The following CHRM3 variants were observed in gnomAD, a reference collection of about 807,000 sequenced individuals.
CHRM3 encodes cholinergic receptor muscarinic 3.
Under a neutral mutation model 41.8 loss-of-function variants are expected in CHRM3, and 11 were observed. The observed-to-expected ratio is 0.26, with a 90% CI of 0.17 to 0.44. The LOEUF (loss-of-function observed/expected upper bound fraction) is 0.44. CHRM3 is among the 20% of genes least tolerant of loss of function. CHRM3 has a pLI of 1.00. For missense variants in CHRM3, 571 were observed against 745.4 expected, an observed-to-expected ratio of 0.77 and a Z score of 2.72; for synonymous variants, 297 against 301.4, an observed-to-expected ratio of 0.99 and a Z score of 0.15.
At chr1:239,403,757 C>T (rs1280994714) in intron 1 of CHRM3, among the ~76,000 whole-genome samples, 2 of 151,504 alleles carry the variant, frequency 1.3e-5, no homozygotes, top group African/African-American at 4.9e-5. Flanking sequence ...CATGTGTGGC[C>T]CAGGATCGTA....
intron 4 of CHRM3, among the ~76,000 whole-genome samples, chr1:239,676,161 C>T (rs575538805): frequency 3.9e-5 from 6 of 152,176 alleles, no homozygotes; most frequent in Non-Finnish European, 7.3e-5. Flanking sequence ...TTGCCCCAGA[C>T]GCTGCACCAG....
At position 239,866,405 on chromosome 1, in the gene CHRM3, C is replaced by CA. The variant is rs796650414; in HGVS notation, c.-20+39039dup. ...ACAGAGCAAGACCCTGTCTCAAAAACAAAAAAAAAAAAGCTTGCCCAAAAC... is the reference window on the plus strand; with the variant it reads ...ACAGAGCAAGACCCTGTCTCAAAAACAAAAAAAAAAAAAGCTTGCCCAAAAC... On this transcript the variant is annotated intron_variant, in intron 6 of 6. Coordinates refer to ENST00000676153, the MANE Select transcript of CHRM3 (RefSeq NM_001375978.1). Among the ~76,000 whole-genome samples the CA allele has an allele frequency of 5.8e-3, 827 of 142,670 alleles. 5 individuals carry two copies. Among genetic ancestry groups the CA allele is most frequent in the African/African-American group, 0.02 (744 of 37,814 alleles). The allele number at this position is 142,670 out of a possible 152,430, so 93.6% of individuals were successfully genotyped here.
At chr1:239,495,590 A>G (rs1332437616) in intron 2 of CHRM3, among the ~76,000 whole-genome samples, 1 of 152,106 alleles carries the variant, frequency 6.6e-6, no homozygotes, top group Non-Finnish European at 1.5e-5. Flanking sequence ...CAGGTAGTTC[A>G]CATTTGAGAG....
At chr1:239,743,041 C>A (rs930281804) in intron 5 of CHRM3, among the ~76,000 whole-genome samples, 4 of 151,970 alleles carry the variant, frequency 2.6e-5, no homozygotes, top group Admixed American at 2.0e-4. Context: ...AGCAGTGACT[C>A]GGAGCCCAAA....
chr1:239,415,295 C>G (rs1661409603), intron 1 of CHRM3, among the ~76,000 whole-genome samples: 1 of 152,114 alleles, frequency 6.6e-6, no homozygotes, highest in South Asian at 2.1e-4. Flanking sequence ...CAAAAATTAG[C>G]CAGGCATGGT....
chr1:239,584,108 CTTTTTT>C (rs769127124), intron 3 of CHRM3, among the ~76,000 whole-genome samples: 4 of 124,424 alleles, frequency 3.2e-5, no homozygotes, highest in South Asian at 2.6e-4. Flanking sequence ...TCTTCTTCTT[CTTTTTT>C]TTTTTTTTTT....
chr1:239,582,675 A>G (rs974862275), intron 3 of CHRM3, among the ~76,000 whole-genome samples: 1 of 152,132 alleles, frequency 6.6e-6, no homozygotes, highest in Admixed American at 6.6e-5. Context: ...GATCTCTTCA[A>G]TACCATCCTC....
intron 2 of CHRM3, among the ~76,000 whole-genome samples, chr1:239,497,163 T>C (rs1279354353): frequency 6.6e-6 from 1 of 152,190 alleles, no homozygotes; most frequent in Non-Finnish European, 1.5e-5. Flanking sequence ...CCTTTCTTTT[T>C]ATCATTTGGG....
intron 6 of CHRM3, among the ~76,000 whole-genome samples, chr1:239,854,722 G>C (rs1011259294): frequency 2.0e-5 from 3 of 152,030 alleles, no homozygotes; most frequent in African/African-American, 7.2e-5. Flanking sequence ...TTACCAATCT[G>C]TTCATTCTAA....
chr1:239,765,516 A>G (rs2148682370), intron 5 of CHRM3, among the ~76,000 whole-genome samples: 1 of 152,350 alleles, frequency 6.6e-6, no homozygotes, highest in South Asian at 2.1e-4. Flanking sequence ...ACAGAAATCA[A>G]CTGAATACAC....
intron 1 of CHRM3, among the ~76,000 whole-genome samples, chr1:239,465,366 A>G (rs1465757105): frequency 6.6e-6 from 1 of 152,208 alleles, no homozygotes; most frequent in Non-Finnish European, 1.5e-5. Context: ...TGGCTACAAC[A>G]TAGGATATGT....
At chr1:239,766,936 T>C (rs1033491269) in intron 5 of CHRM3, among the ~76,000 whole-genome samples, 3 of 152,170 alleles carry the variant, frequency 2.0e-5, no homozygotes, top group Non-Finnish European at 4.4e-5. Flanking sequence ...GGTCTCGAAC[T>C]CCTGACCTCA....
At position 239,632,674 on chromosome 1, in the gene CHRM3, C is replaced by T. The variant is rs546584151; in HGVS notation, c.-250+388C>T. ...GAATTATCCCTGGATTTAGATTGCC[C>T]TTCTTCAGAATGCTGTACAAAATAT... On this transcript the variant is annotated intron_variant, in intron 4 of 6. Coordinates refer to ENST00000676153, the MANE Select transcript of CHRM3 (RefSeq NM_001375978.1). Among the ~76,000 whole-genome samples the T allele has an allele frequency of 2.6e-5, 4 of 152,238 alleles. No individual in the cohort carries two copies. In the East Asian group the frequency reaches 5.8e-4, roughly 22 times the overall value.
chr1:239,510,847 A>T (rs1668873403), intron 2 of CHRM3, among the ~76,000 whole-genome samples: 1 of 152,070 alleles, frequency 6.6e-6, no homozygotes, highest in African/African-American at 2.4e-5. Context: ...AGATTCTTAT[A>T]ATGTGAAATA....
At chr1:239,584,877 C>G (rs144314620) in intron 3 of CHRM3, among the ~76,000 whole-genome samples, 105 of 152,132 alleles carry the variant, frequency 6.9e-4, no homozygotes, top group African/African-American at 2.4e-3. Flanking sequence ...GTAGTTCTTC[C>G]TGCTTACAAA....
chr1:239,592,252 T>A (rs1301129538), intron 3 of CHRM3, among the ~76,000 whole-genome samples: 2 of 152,236 alleles, frequency 1.3e-5, no homozygotes, highest in African/African-American at 4.8e-5. Context: ...TCAGAAATCT[T>A]CATTGCAGTG....
intron 5 of CHRM3, among the ~76,000 whole-genome samples, chr1:239,809,709 G>C (rs1056780878): frequency 6.6e-6 from 1 of 151,672 alleles, no homozygotes; most frequent in Admixed American, 6.6e-5. Flanking sequence ...ATGTTGCCCA[G>C]GCTGGTCTCG....
At chr1:239,645,752 A>G (rs1671689816) in intron 4 of CHRM3, among the ~76,000 whole-genome samples, 1 of 151,918 alleles carries the variant, frequency 6.6e-6, no homozygotes, top group Non-Finnish European at 1.5e-5. Context: ...AATGACTACA[A>G]AAAAATGTAA....
chr1:239,653,721 G>A (rs749749116), intron 4 of CHRM3, among the ~76,000 whole-genome samples: 8 of 152,190 alleles, frequency 5.3e-5, no homozygotes, highest in Non-Finnish European at 8.8e-5. Flanking sequence ...AGGCATAGAG[G>A]AGAATTTCTA....
Sources: allele counts gnomAD v4.1 joint callset (sites outside exome capture counted in the v4.1 genomes callset), GRCh38; gene constraint gnomAD v4.1.1; transcripts MANE v1.5; gene names NCBI Gene and HGNC (gene_info 2026-07-23, HGNC 2026-07-21).